Variants in TTC12 observed in about 807,000 individuals in gnomAD.
TTC12 encodes tetratricopeptide repeat protein 12.
In TTC12, 70 loss-of-function variants were observed where a neutral mutation model predicts 90.1. The observed-to-expected ratio is 0.78, with a 90% CI of 0.64 to 0.95. The LOEUF is 0.95. Among genes scored for constraint, TTC12 ranks in the 40% least tolerant of loss-of-function variants. The pLI, the probability that TTC12 is intolerant of heterozygous loss-of-function variation, is 0.00. For synonymous variants in TTC12, 296 were observed against 311.5 expected (o/e 0.95, Z 0.53); for missense variants, 819 against 846.1 (o/e 0.97, Z 0.40).
chr11:113,372,238 A>G (rs1950405053), intron 21 of TTC12, among the ~76,000 whole-genome samples: 3 of 152,350 alleles, frequency 2.0e-5, no homozygotes, highest in African/African-American at 4.8e-5. Flanking sequence ...GCACTGTATC[A>G]TCAACATCAG....
chr11:113,331,543 A>G (rs2137958614), intron 7 of TTC12, among the ~76,000 whole-genome samples: 1 of 152,286 alleles, frequency 6.6e-6, no homozygotes, highest in South Asian at 2.1e-4. Flanking sequence ...AAACCTCTAT[A>G]AAGGGCCTCT....
intron 13 of TTC12, among the ~76,000 whole-genome samples, chr11:113,347,896 C>G (rs1555148667): frequency 6.6e-6 from 1 of 152,132 alleles, no homozygotes; most frequent in African/African-American, 2.4e-5. Context: ...GGCATTTGGT[C>G]CTATTGATCA....
At chr11:113,340,372 C>A (rs1948614592) in intron 10 of TTC12, among the ~76,000 whole-genome samples, 1 of 152,244 alleles carries the variant, frequency 6.6e-6, no homozygotes, top group Non-Finnish European at 1.5e-5. Context: ...CTGGGAGGCT[C>A]TCTGAAGATT....
rs782239674 is a variant in TTC12, at chr11:113,323,975, T to C, written c.223-19T>C. 6 of 1,606,074 alleles carry C rather than the reference T, an allele frequency of 3.7e-6. No individual in the cohort carries two copies. Among genetic ancestry groups the C allele is most frequent in the Non-Finnish European group, 4.3e-6 (5 of 1,175,470 alleles). On this transcript the variant is annotated intron_variant, in intron 3 of 21. Transcript: ENST00000529221. The stretch of plus-strand genomic sequence containing the variant: ...TTTGAAATTTGTTTCTTTGTTTTTA[T>C]GGTAACCTACGTCTACAGAGTGCAG...
chr11:113,350,281 C>G (rs1949192354), intron 14 of TTC12, 116 bp downstream of exon 14: 1 of 773,752 alleles, frequency 1.3e-6, no homozygotes, highest in Non-Finnish European at 2.1e-6. Context: ...GTGAGTATTG[C>G]AAGATTCACT....
downstream of TTC12, among the ~76,000 whole-genome samples, chr11:113,369,767 A>T (rs1950333411): frequency 6.6e-6 from 1 of 152,094 alleles, no homozygotes; most frequent in African/African-American, 2.4e-5. Context: ...TGTGGTTTGG[A>T]TATAATATAC....
At chr11:113,346,978 GT>G (rs1193860207) in intron 13 of TTC12, among the ~76,000 whole-genome samples, 5 of 152,150 alleles carry the variant, frequency 3.3e-5, no homozygotes, top group African/African-American at 1.2e-4. Flanking sequence ...AAAAAAGAGG[GT>G]ATGTGAGGAA....
rs769437177 is a variant in TTC12 at position 113,364,881 on chromosome 11, G to A, written c.1863G>A (p.Leu621=). The change falls in exon 21 of 22, where the codon CTG becomes CTA. Residue 621 remains leucine (L), a synonymous_variant. Transcript: ENST00000529221. ...MKLLSSEDEV[L]VGNAALCLGN... Reference sequence around the variant, plus strand: ...TGCTCAGCTCGGAGGATGAGGTTCTGGTGGGCAACGCTGCCCTCTGCCTTG... The same window carrying A: ...TGCTCAGCTCGGAGGATGAGGTTCTAGTGGGCAACGCTGCCCTCTGCCTTG... 8.1e-6 allele frequency: 13 copies of A among 1,614,094 alleles called. No homozygotes were observed. The highest frequency in any genetic ancestry group is 2.7e-5 in the African/African-American group (2 of 74,930).
intron 5 of TTC12, 147 bp from the exon 6 acceptor site, chr11:113,325,377 A>C: frequency 3.8e-6 from 3 of 795,500 alleles, no homozygotes; most frequent in Non-Finnish European, 3.9e-6. Context: ...GTCCTGAAGT[A>C]TCTGCAGAAA....
chr11:113,321,393 G>GA (rs1234274012), intron 2 of TTC12, among the ~76,000 whole-genome samples: 2 of 151,996 alleles, frequency 1.3e-5, no homozygotes, highest in East Asian at 3.9e-4. Context: ...ATTTACTTTA[G>GA]AAAAAACTGA....
intron 10 of TTC12, 186 bp downstream of exon 10, chr11:113,339,660 A>G: frequency 1.8e-6 from 1 of 560,908 alleles, no homozygotes; most frequent in East Asian, 2.8e-5. Context: ...CATCCTCTCT[A>G]CAGAGCATGC....
intron 8 of TTC12, among the ~76,000 whole-genome samples, chr11:113,335,392 A>T (rs1406242753): frequency 8.5e-5 from 13 of 152,222 alleles, no homozygotes; most frequent in African/African-American, 3.1e-4. Flanking sequence ...CTAAGATATT[A>T]TATATCGTTA....
chr11:113,356,663 C>T (rs1277512868), intron 16 of TTC12, among the ~76,000 whole-genome samples: 4 of 151,638 alleles, frequency 2.6e-5, no homozygotes, highest in South Asian at 2.1e-4. Context: ...TCACCATTTG[C>T]TTATTTCTCC....
chr11:113,327,728 C>T (rs1947778376), intron 6 of TTC12, among the ~76,000 whole-genome samples: 1 of 152,094 alleles, frequency 6.6e-6, no homozygotes, highest in Non-Finnish European at 1.5e-5. Context: ...AATAATAGTG[C>T]CATGAAATCA....
chr11:113,373,169 C>G (rs1408102417), exon 22 of TTC12: 3 of 984,628 alleles, frequency 3.0e-6, no homozygotes, highest in South Asian at 4.7e-5. Context: ...GGTCCAAGAT[C>G]TAGACCAGGT....
In TTC12 at chr11:113,363,901, G is replaced by A. The variant is rs532793222; in HGVS notation, c.1790G>A (p.Arg597Gln). 5.0e-6 allele frequency: 8 copies of A among 1,613,394 alleles called. No individual in the cohort carries two copies. Among genetic ancestry groups the A allele is most frequent in the South Asian group, 4.4e-5 (4 of 91,060 alleles). ...TGCACGAATAGTTATCATGAAGCTCGGGAAGAAGTAATAAGACTGGATAAA... is the reference window on the plus strand; with the variant it reads ...TGCACGAATAGTTATCATGAAGCTCAGGAAGAAGTAATAAGACTGGATAAA... ...AICTNSYHEA[R>Q]EEVIRLDKKL... is the part of the protein sequence containing the mutation. Residue 597 changes from arginine to glutamine, a missense_variant, in exon 20 of 22, where the codon CGG (arginine) becomes CAG (glutamine). Coordinates refer to ENST00000529221, the MANE Select transcript of TTC12 (RefSeq NM_017868.4).
exon 22 of TTC12, chr11:113,373,292 A>G: frequency 4.3e-6 from 4 of 920,956 alleles, no homozygotes; most frequent in Non-Finnish European, 5.2e-6. Flanking sequence ...CTTCATTGTT[A>G]TGAAATTCTT....
intron 15 of TTC12, 112 bp downstream of exon 15, chr11:113,351,411 T>G: frequency 1.1e-6 from 1 of 880,806 alleles, no homozygotes; most frequent in Non-Finnish European, 1.9e-6. Flanking sequence ...GGTTGATTAG[T>G]CATTTATTCA....
intron 12 of TTC12, among the ~76,000 whole-genome samples, chr11:113,343,866 A>G (rs1016964543): frequency 2.0e-5 from 3 of 152,206 alleles, no homozygotes. Context: ...TTGATGGCCT[A>G]AAGACGTTCC....
Sources: allele counts gnomAD v4.1 joint callset (sites outside exome capture counted in the v4.1 genomes callset), GRCh38; gene constraint gnomAD v4.1.1; transcripts MANE v1.5; gene names NCBI Gene and HGNC (gene_info 2026-07-23, HGNC 2026-07-21).